CNTNAP2: variants seen among roughly 807,000 people sequenced by gnomAD.
CNTNAP2 encodes the protein contactin-associated protein-like 2.
Under a neutral mutation model 155.2 loss-of-function variants are expected in CNTNAP2, and 98 were observed. That is an observed-to-expected ratio of 0.63 (90% CI 0.54 to 0.75). CNTNAP2 has a LOEUF of 0.75. Among genes scored for constraint, CNTNAP2 ranks in the 30% least tolerant of loss-of-function variants. The probability of loss-of-function intolerance (pLI) is 0.00; values close to 1 mark genes in which losing one functional copy is unlikely to be tolerated. For synonymous variants in CNTNAP2, 651 were observed against 631.2 expected (o/e 1.03, Z -0.47); for missense variants, 1,727 against 1,688.1 (o/e 1.02, Z -0.40).
At chr7:146,403,440 C>A (rs1455522833) in intron 1 of CNTNAP2, among the ~76,000 whole-genome samples, 1 of 152,014 alleles carries the variant, frequency 6.6e-6, no homozygotes, top group Non-Finnish European at 1.5e-5. Flanking sequence ...TTTTCTGCTG[C>A]GATTTTGTTC....
chr7:146,740,714 T>A (rs1801697437), intron 1 of CNTNAP2, among the ~76,000 whole-genome samples: 1 of 152,118 alleles, frequency 6.6e-6, no homozygotes, highest in Non-Finnish European at 1.5e-5. Flanking sequence ...CATGCCAGAA[T>A]CCCTGGACAG....
intron 1 of CNTNAP2, among the ~76,000 whole-genome samples, chr7:146,213,054 A>T (rs2116885559): frequency 6.6e-6 from 1 of 152,240 alleles, no homozygotes; most frequent in South Asian, 2.1e-4. Context: ...TCCTTGGAAA[A>T]CACTGAATTT....
At chr7:148,345,566 G>T (rs1444223532) in intron 21 of CNTNAP2, among the ~76,000 whole-genome samples, 3 of 152,046 alleles carry the variant, frequency 2.0e-5, no homozygotes, top group African/African-American at 7.3e-5. Flanking sequence ...TACTATTTTA[G>T]AAGAGATGGG....
intron 1 of CNTNAP2, among the ~76,000 whole-genome samples, chr7:146,219,437 A>T (rs1203892418): frequency 1.3e-5 from 2 of 152,240 alleles, no homozygotes; most frequent in Non-Finnish European, 2.9e-5. Flanking sequence ...ACACTTCACT[A>T]TAACTAAGTT....
intron 15 of CNTNAP2, among the ~76,000 whole-genome samples, chr7:148,100,303 T>C (rs1804069862): frequency 6.6e-6 from 1 of 152,218 alleles, no homozygotes. Flanking sequence ...TCCTTCCCAG[T>C]GTGAATCCTT....
At chr7:147,611,930 C>A (rs955886421) in intron 12 of CNTNAP2, among the ~76,000 whole-genome samples, 1 of 152,116 alleles carries the variant, frequency 6.6e-6, no homozygotes, top group Non-Finnish European at 1.5e-5. Context: ...TGAAAAAAGA[C>A]AATGACAGCC....
At chr7:146,724,561 CTTTTTT>C (rs1000613503) in intron 1 of CNTNAP2, among the ~76,000 whole-genome samples, 4 of 65,618 alleles carry the variant, frequency 6.1e-5, no homozygotes, top group South Asian at 4.9e-4. Context: ...TAAATCTAAA[CTTTTTT>C]TTTTTTTTTT....
intron 14 of CNTNAP2, among the ~76,000 whole-genome samples, chr7:147,941,367 T>A (rs574675703): frequency 6.6e-6 from 1 of 152,162 alleles, no homozygotes; most frequent in Non-Finnish European, 1.5e-5. Flanking sequence ...TTATAGAATC[T>A]GCCTCATACT....
chr7:146,923,487 T>G (rs1217934082), intron 3 of CNTNAP2, among the ~76,000 whole-genome samples: 1 of 152,160 alleles, frequency 6.6e-6, no homozygotes, highest in Non-Finnish European at 1.5e-5. Context: ...ATATAATATG[T>G]GCTTAGCAAT....
chr7:148,310,687 A>G lies in CNTNAP2; in HGVS notation c.3475+43561A>G, dbSNP rs150760913. Reference sequence around the variant, plus strand: ...GCCTGTCCAATTAGCAGGTAGACACATGTAGGTAGAGGATCCACAGACGAA... The same window carrying G: ...GCCTGTCCAATTAGCAGGTAGACACGTGTAGGTAGAGGATCCACAGACGAA... On this transcript the variant is annotated intron_variant, in intron 21 of 23. Transcript: ENST00000361727. Among the ~76,000 whole-genome samples the G allele has an allele frequency of 8.0e-3, 1,220 of 152,274 alleles. 11 individuals carry two copies. Among genetic ancestry groups the G allele is most frequent in the African/African-American group, 0.028 (1,146 of 41,548 alleles).
chr7:146,410,728 A>C (rs1795853643), intron 1 of CNTNAP2, among the ~76,000 whole-genome samples: 1 of 151,964 alleles, frequency 6.6e-6, no homozygotes, highest in African/African-American at 2.4e-5. Flanking sequence ...ACTAATTTTT[A>C]TCTTTGTGAA....
At chr7:146,224,474 G>A (rs562005848) in intron 1 of CNTNAP2, among the ~76,000 whole-genome samples, 8 of 151,276 alleles carry the variant, frequency 5.3e-5, no homozygotes, top group South Asian at 2.1e-4. Context: ...GGGGCCGGGC[G>A]CGATGGCTTA....
chr7:147,626,789 T>A (rs1363986563), intron 12 of CNTNAP2, among the ~76,000 whole-genome samples: 2 of 152,298 alleles, frequency 1.3e-5, no homozygotes, highest in East Asian at 1.9e-4. Context: ...TTCCACTGCC[T>A]ACAAGATACT....
intron 1 of CNTNAP2, among the ~76,000 whole-genome samples, chr7:146,150,941 G>C (rs1347080442): frequency 6.6e-6 from 1 of 152,060 alleles, no homozygotes; most frequent in East Asian, 1.9e-4. Context: ...AAGTTTAATT[G>C]ATACTCTATT....
intron 2 of CNTNAP2, among the ~76,000 whole-genome samples, chr7:146,835,568 TA>T: frequency 6.6e-6 from 1 of 152,030 alleles, no homozygotes; most frequent in African/African-American, 2.4e-5. Flanking sequence ...TATATGACAA[TA>T]AGGAATATTA....
chr7:146,847,621 A>T (rs1794784935), intron 3 of CNTNAP2, among the ~76,000 whole-genome samples: 1 of 152,166 alleles, frequency 6.6e-6, no homozygotes, highest in Non-Finnish European at 1.5e-5. Context: ...TTTCTTGAAA[A>T]TTTAAAATAG....
intron 1 of CNTNAP2, among the ~76,000 whole-genome samples, chr7:146,524,968 A>C (rs1049669292): frequency 2.6e-5 from 4 of 152,116 alleles, no homozygotes; most frequent in African/African-American, 9.7e-5. Flanking sequence ...AGTTTCTAAA[A>C]ATGAGAGCCT....
intron 8 of CNTNAP2, among the ~76,000 whole-genome samples, chr7:147,268,156 TTAGAA>T (rs1416704243): frequency 2.6e-5 from 4 of 152,230 alleles, no homozygotes; most frequent in African/African-American, 9.6e-5. Flanking sequence ...TGCTATGAGA[TTAGAA>T]TGAATCTACC....
intron 13 of CNTNAP2, among the ~76,000 whole-genome samples, chr7:147,737,117 A>T (rs1413632881): frequency 6.6e-6 from 1 of 152,018 alleles, no homozygotes; most frequent in African/African-American, 2.4e-5. Context: ...TAGAATTTTC[A>T]GTTTTTCTGC....
Sources: allele counts gnomAD v4.1 joint callset (sites outside exome capture counted in the v4.1 genomes callset), GRCh38; gene constraint gnomAD v4.1.1; transcripts MANE v1.5; gene names NCBI Gene and HGNC (gene_info 2026-07-23, HGNC 2026-07-21).